VPS37A: variants seen among roughly 807,000 people sequenced by gnomAD.
VPS37A encodes the protein vacuolar protein sorting-associated protein 37A.
In VPS37A, 30 loss-of-function variants were observed where a neutral mutation model predicts 49.8. That is an observed-to-expected ratio of 0.60 (90% CI 0.45 to 0.82). The LOEUF (loss-of-function observed/expected upper bound fraction) is 0.82. VPS37A is among the 40% of genes least tolerant of loss of function. The pLI is 0.00. For missense variants in VPS37A, 593 were observed against 464.4 expected, an observed-to-expected ratio of 1.28 and a Z score of -2.55; for synonymous variants, 195 against 160.6, an observed-to-expected ratio of 1.21 and a Z score of -1.62.
chr8:17,302,143 G>C (rs1817158124), downstream of VPS37A: 3 of 1,613,878 alleles, frequency 1.9e-6, no homozygotes, highest in Non-Finnish European at 2.5e-6. Flanking sequence ...AACAAAGCAA[G>C]TATGTCTTAC....
At chr8:17,316,319 A>C in the VPS37A span, among the ~76,000 whole-genome samples, 13 of 151,954 alleles carry the variant, frequency 8.6e-5, no homozygotes, top group Admixed American at 8.5e-4. Flanking sequence ...TTTTTATCCA[A>C]CTTTTTTTAG....
At chr8:17,302,037 C>G (rs150330489), downstream of VPS37A, 14 of 1,372,992 alleles carry the variant, frequency 1.0e-5, no homozygotes, top group Non-Finnish European at 3.0e-6. Context: ...TTCAGGTGTT[C>G]TACTGACTAA....
downstream of VPS37A, chr8:17,300,205 T>C: frequency 6.2e-7 from 1 of 1,603,202 alleles, no homozygotes; most frequent in Non-Finnish European, 8.5e-7. Flanking sequence ...TAACTGGACC[T>C]TTTGAATTTT....
At chr8:17,325,598 C>T in the VPS37A span, among the ~76,000 whole-genome samples, 13 of 152,182 alleles carry the variant, frequency 8.5e-5, no homozygotes, top group African/African-American at 1.4e-4. Flanking sequence ...GCGGGGCCTG[C>T]GTCCCACATG....
At chr8:17,258,454 A>G (rs1329891824) in intron 1 of VPS37A, among the ~76,000 whole-genome samples, 1 of 152,182 alleles carries the variant, frequency 6.6e-6, no homozygotes, top group East Asian at 1.9e-4. Flanking sequence ...TGATTTGCAT[A>G]TATATTGCAC....
intron 1 of VPS37A, among the ~76,000 whole-genome samples, chr8:17,260,693 C>T (rs1033321084): frequency 6.6e-6 from 1 of 152,102 alleles, no homozygotes; most frequent in African/African-American, 2.4e-5. Flanking sequence ...TTTGATTCTC[C>T]TTCATATTTG....
At chr8:17,325,534 G>T in the VPS37A span, among the ~76,000 whole-genome samples, 1 of 152,128 alleles carries the variant, frequency 6.6e-6, no homozygotes, top group Non-Finnish European at 1.5e-5. Context: ...GGATCTGCTT[G>T]GCCCCCTTTC....
the VPS37A span, among the ~76,000 whole-genome samples, chr8:17,319,612 T>C: frequency 6.6e-6 from 1 of 152,324 alleles, no homozygotes; most frequent in East Asian, 1.9e-4. Context: ...CTATGCTTTA[T>C]ATAGATTAGC....
the VPS37A span, chr8:17,311,627 C>G: frequency 8.9e-5 from 144 of 1,614,026 alleles, no homozygotes; most frequent in Non-Finnish European, 1.2e-4. Flanking sequence ...GCCCCTTCCT[C>G]TGACACTGCC....
chr8:17,300,207 T>C (rs1006142052), downstream of VPS37A: 22 of 1,603,050 alleles, frequency 1.4e-5, no homozygotes, highest in East Asian at 2.5e-4. Flanking sequence ...ACTGGACCTT[T>C]TGAATTTTTT....
chr8:17,256,360 A>T (rs1394317053), intron 1 of VPS37A, among the ~76,000 whole-genome samples: 1 of 131,390 alleles, frequency 7.6e-6, no homozygotes, highest in Non-Finnish European at 1.5e-5. Flanking sequence ...CTAATCTGGA[A>T]CTCCTGGGCT....
At chr8:17,252,303 C>T (rs1432301471) in intron 1 of VPS37A, among the ~76,000 whole-genome samples, 1 of 152,138 alleles carries the variant, frequency 6.6e-6, no homozygotes, top group Admixed American at 6.5e-5. Context: ...AGGCACATGC[C>T]ATCATGCCTG....
At chr8:17,249,868 G>C (rs1811812616) in intron 1 of VPS37A, among the ~76,000 whole-genome samples, 1 of 152,196 alleles carries the variant, frequency 6.6e-6, no homozygotes, top group Non-Finnish European at 1.5e-5. Flanking sequence ...AAGGAAAACT[G>C]TCTGTATTTA....
At chr8:17,250,857 C>T (rs1353025995) in intron 1 of VPS37A, among the ~76,000 whole-genome samples, 1 of 152,158 alleles carries the variant, frequency 6.6e-6, no homozygotes, top group Non-Finnish European at 1.5e-5. Context: ...AGATGACACT[C>T]ACAGAAAAGT....
intron 10 of VPS37A, among the ~76,000 whole-genome samples, chr8:17,285,945 G>A (rs567693675): frequency 1.2e-4 from 19 of 152,206 alleles, no homozygotes; most frequent in African/African-American, 3.4e-4. Context: ...CTTAGCTGTC[G>A]TCAACATTAG....
the VPS37A span, among the ~76,000 whole-genome samples, chr8:17,310,434 T>C: frequency 0.019 from 2,852 of 152,222 alleles, 109 homozygotes; most frequent in African/African-American, 0.065. Context: ...ACTCGAGACA[T>C]TTTCTTTGGG....
the VPS37A span, among the ~76,000 whole-genome samples, chr8:17,308,759 C>T: frequency 6.6e-6 from 1 of 152,136 alleles, no homozygotes; most frequent in Non-Finnish European, 1.5e-5. Flanking sequence ...TCAGACAGCC[C>T]AGACGTCCAA....
chr8:17,282,102 A>G (rs1815112516), intron 9 of VPS37A, among the ~76,000 whole-genome samples: 1 of 152,052 alleles, frequency 6.6e-6, no homozygotes, highest in Admixed American at 6.6e-5. Flanking sequence ...TTGAACAAAA[A>G]GAAAAAATGA....
chr8:17,258,320 C>T (rs566081488), intron 1 of VPS37A, among the ~76,000 whole-genome samples: 3 of 151,984 alleles, frequency 2.0e-5, no homozygotes, highest in Non-Finnish European at 4.4e-5. Context: ...ATGTATATTC[C>T]TTCTATACCC....
Sources: gnomAD v4.1 joint callset for allele counts (sites outside exome capture counted in the v4.1 genomes callset) on GRCh38, gnomAD v4.1.1 for gene constraint, MANE v1.5 for transcripts, NCBI Gene and HGNC (gene_info 2026-07-23, HGNC 2026-07-21) for gene names.